The following ZCWPW2 variants were observed in gnomAD, a reference collection of about 807,000 sequenced individuals.
The protein encoded by ZCWPW2 is zinc finger CW-type PWWP domain protein 2.
In ZCWPW2, 45 loss-of-function variants were observed where a neutral mutation model predicts 46.6. That is an observed-to-expected ratio of 0.96 (90% CI 0.76 to 1.24). ZCWPW2 has a LOEUF of 1.24. Among genes scored for constraint, ZCWPW2 ranks in the 50% most tolerant of loss-of-function variants. The pLI, the probability that ZCWPW2 is intolerant of heterozygous loss-of-function variation, is 0.00. For synonymous variants in ZCWPW2, 152 were observed against 137.1 expected, an observed-to-expected ratio of 1.11 and a Z score of -0.76; for missense variants, 429 against 403.9, an observed-to-expected ratio of 1.06 and a Z score of -0.53.
At chr3:28,489,704 A>C (rs976707216) in intron 5 of ZCWPW2, among the ~76,000 whole-genome samples, 91 of 145,276 alleles carry the variant, frequency 6.3e-4, no homozygotes, top group South Asian at 3.6e-3. Context: ...ACACACACAC[A>C]CCCCATGTCT....
intron 6 of ZCWPW2, among the ~76,000 whole-genome samples, chr3:28,502,523 G>A (rs1700171085): frequency 6.6e-6 from 1 of 152,142 alleles, no homozygotes; most frequent in Non-Finnish European, 1.5e-5. Flanking sequence ...GGGAGGAGCT[G>A]AGAAGTACAG....
At chr3:28,443,342 G>A (rs1697846139) in intron 4 of ZCWPW2, among the ~76,000 whole-genome samples, 1 of 152,158 alleles carries the variant, frequency 6.6e-6, no homozygotes, top group African/African-American at 2.4e-5. Context: ...ATTTAGTGGG[G>A]TCCTTCCTCA....
chr3:28,375,529 A>G (rs537085059), intron 1 of ZCWPW2, among the ~76,000 whole-genome samples: 1 of 152,136 alleles, frequency 6.6e-6, no homozygotes, highest in African/African-American at 2.4e-5. Context: ...ACATAGGTAT[A>G]TATATTTATG....
intron 6 of ZCWPW2, among the ~76,000 whole-genome samples, chr3:28,506,440 C>A (rs1196837206): frequency 2.0e-5 from 3 of 151,868 alleles, no homozygotes; most frequent in Non-Finnish European, 4.4e-5. Context: ...CTAGGCTAGA[C>A]AACATAGGAG....
Position 28,348,908 on chromosome 3 carries a change from G to A in ZCWPW2, c.-429G>A. The A allele has an allele frequency of 1.0e-6, 1 of 977,002 alleles. No homozygotes were observed. Among genetic ancestry groups the A allele is most frequent in the Non-Finnish European group, 1.2e-6 (1 of 822,148 alleles). The allele number at this position is 977,002 out of a possible 1,614,324, so 60.5% of individuals were successfully genotyped here. A position where few individuals can be genotyped will look rare whatever the true frequency, so the allele number is the denominator to read the frequency against. ...TACGCGCGCGAGACCCAGGCCCGCC[G>A]TCGGGACCAGCACGGGCCGGAGGGA... On this transcript the variant is annotated 5_prime_UTR_variant, in exon 1 of 10. Coordinates refer to ENST00000383768, the MANE Select transcript of ZCWPW2 (RefSeq NM_001040432.4).
At chr3:28,390,855 G>C (rs1374954435) in intron 2 of ZCWPW2, among the ~76,000 whole-genome samples, 5 of 152,310 alleles carry the variant, frequency 3.3e-5, no homozygotes, top group East Asian at 3.9e-4. Context: ...TGACTTTGAA[G>C]TGGATAACAT....
intron 3 of ZCWPW2, among the ~76,000 whole-genome samples, chr3:28,425,692 A>G (rs1004053716): frequency 3.0e-4 from 46 of 152,218 alleles, no homozygotes; most frequent in Middle Eastern, 3.2e-3. Context: ...TATATAATAA[A>G]AACAAATAAT....
At chr3:28,364,118 C>G (rs190156368) in intron 1 of ZCWPW2, among the ~76,000 whole-genome samples, 30 of 152,288 alleles carry the variant, frequency 2.0e-4, no homozygotes, top group African/African-American at 7.2e-4. Context: ...ATGAAAAAGA[C>G]TGATAGTATC....
chr3:28,502,413 T>C lies in ZCWPW2; in HGVS notation c.657+10240T>C, dbSNP rs547491187. Among the ~76,000 whole-genome samples the C allele has an allele frequency of 6.0e-4, 92 of 152,274 alleles. No individual in the cohort carries two copies. The Middle Eastern group carries it at 0.01, about 17-fold the overall frequency. On this transcript the variant is annotated intron_variant, in intron 6 of 9. Coordinates refer to ENST00000383768, the MANE Select transcript of ZCWPW2 (RefSeq NM_001040432.4). Reference sequence around the variant, plus strand: ...AAGAAAAAGTCTATGTTGAGACTTATATATTTGCTTAACCCTTTTTTATAT... The same window carrying C: ...AAGAAAAAGTCTATGTTGAGACTTACATATTTGCTTAACCCTTTTTTATAT...
intron 4 of ZCWPW2, among the ~76,000 whole-genome samples, chr3:28,436,940 A>T (rs953934328): frequency 6.6e-6 from 1 of 152,190 alleles, no homozygotes; most frequent in African/African-American, 2.4e-5. Flanking sequence ...TTCTTTGAAG[A>T]TGGAGATTGT....
In ZCWPW2 at chr3:28,349,215, A is replaced by G; in HGVS notation, c.-134+12A>G. 2.0e-5 allele frequency: 20 copies of G among 985,288 alleles called. No individual in the cohort carries two copies. The highest frequency in any genetic ancestry group is 2.3e-5 in the Non-Finnish European group (19 of 829,840). 61.0% of individuals were successfully genotyped at this position (985,288 alleles called of 1,614,324 possible). ...CGGAGTGGAGTTAGGTAAGAGCGTT[A>G]CCAGCCGTCTTGTCTGTTGGGCCGA... On this transcript the variant is annotated intron_variant, in intron 1 of 9. Coordinates refer to ENST00000383768, the MANE Select transcript of ZCWPW2 (RefSeq NM_001040432.4).
At chr3:28,353,272 A>C (rs2125685748) in intron 1 of ZCWPW2, among the ~76,000 whole-genome samples, 1 of 152,290 alleles carries the variant, frequency 6.6e-6, no homozygotes, top group Non-Finnish European at 1.5e-5. Flanking sequence ...TCATTTAATG[A>C]GGTCACAGTA....
Position 28,356,116 on chromosome 3 carries a change from A to G in ZCWPW2, c.-134+6913A>G, listed in dbSNP as rs540730016. ...CAATCTACTCATCTGACAAAGGGCT[A>G]ATATCCAGAATCGACGAAGAACTTA... is the stretch of plus-strand genomic sequence containing the variant. On this transcript the variant is annotated intron_variant, in intron 1 of 9. Transcript: ENST00000383768. 1.9e-4 allele frequency among the ~76,000 whole-genome samples: 29 copies of G among 152,376 alleles called. No individual in the cohort carries two copies. In the East Asian group the frequency reaches 5.4e-3, roughly 28 times the overall value.
At chr3:28,374,561 G>A (rs568138797) in intron 1 of ZCWPW2, among the ~76,000 whole-genome samples, 1 of 152,004 alleles carries the variant, frequency 6.6e-6, no homozygotes, top group Admixed American at 6.6e-5. Flanking sequence ...AGGTTGCTTT[G>A]GGTAGTGTTA....
At chr3:28,507,512 T>G (rs4339073) in intron 6 of ZCWPW2, among the ~76,000 whole-genome samples, 103,595 of 150,790 alleles carry the variant, frequency 0.69, 35,665 homozygotes, top group Admixed American at 0.76. Flanking sequence ...TTTGAGATGG[T>G]GTCTCCCTTT....
chr3:28,467,043 G>A (rs936998154), intron 4 of ZCWPW2, among the ~76,000 whole-genome samples: 19 of 152,028 alleles, frequency 1.2e-4, no homozygotes, highest in Non-Finnish European at 2.2e-4. Flanking sequence ...ACTAGTTAAG[G>A]CAATATGGTA....
chr3:28,378,965 T>C (rs1267283238), intron 1 of ZCWPW2, among the ~76,000 whole-genome samples: 1 of 152,192 alleles, frequency 6.6e-6, no homozygotes, highest in African/African-American at 2.4e-5. Flanking sequence ...ATTATCTTTC[T>C]GATTAACTTA....
chr3:28,355,031 G>C (rs2125687514), intron 1 of ZCWPW2, among the ~76,000 whole-genome samples: 1 of 150,242 alleles, frequency 6.7e-6, no homozygotes, highest in Admixed American at 6.7e-5. Flanking sequence ...GGAAATAAAG[G>C]GTATTCAATT....
At chr3:28,352,231 T>C (rs1423970736) in intron 1 of ZCWPW2, among the ~76,000 whole-genome samples, 1 of 152,038 alleles carries the variant, frequency 6.6e-6, no homozygotes, top group Non-Finnish European at 1.5e-5. Flanking sequence ...TCCAAACCTG[T>C]GTGCATCTTA....
Sources: allele counts gnomAD v4.1 joint callset (sites outside exome capture counted in the v4.1 genomes callset), GRCh38; gene constraint gnomAD v4.1.1; transcripts MANE v1.5; gene names NCBI Gene and HGNC (gene_info 2026-07-23, HGNC 2026-07-21).